The following RNF212 variants were observed in gnomAD, a reference collection of about 807,000 sequenced individuals.
RNF212 encodes ring finger protein 212, also known as probable E3 SUMO-protein ligase RNF212.
A neutral mutation model predicts 34.7 loss-of-function variants in RNF212; 33 were observed. The ratio of observed to expected loss-of-function variants is 0.95; its 90% CI spans 0.72 to 1.27. RNF212 has a LOEUF of 1.27. Ranked by LOEUF, RNF212 falls within the 50% of genes most tolerant of loss-of-function variation. The pLI, the probability that RNF212 is intolerant of heterozygous loss-of-function variation, is 0.00. For missense variants in RNF212, 377 were observed against 362.2 expected (o/e 1.04, Z -0.33); for synonymous variants, 140 against 136.1 (o/e 1.03, Z -0.20).
At chr4:1,112,783 T>C in intron 1 of RNF212, among the ~76,000 whole-genome samples, 1 of 91,324 alleles carries the variant, frequency 1.1e-5, no homozygotes. Context: ...TCCCCTGGCG[T>C]CTCCCCTCCC....
chr4:1,112,546 C>T (rs1218039984), intron 1 of RNF212, among the ~76,000 whole-genome samples: 1 of 151,980 alleles, frequency 6.6e-6, no homozygotes, highest in Non-Finnish European at 1.5e-5. Context: ...CAGGGCCCCG[C>T]GCTGCCCATG....
At chr4:1,071,044 T>A (rs191537290), downstream of RNF212, among the ~76,000 whole-genome samples, 193 of 152,096 alleles carry the variant, frequency 1.3e-3, 3 homozygotes, top group African/African-American at 3.9e-3. Context: ...CTAATTTTTT[T>A]AAATACTGTT....
intron 1 of RNF212, among the ~76,000 whole-genome samples, chr4:1,108,794 G>A (rs1725211181): frequency 6.6e-6 from 1 of 151,980 alleles, no homozygotes; most frequent in Non-Finnish European, 1.5e-5. Context: ...GACACCCCCG[G>A]GCTCAACAGT....
intron 4 of RNF212, chr4:1,058,291 G>T: frequency 1.2e-6 from 1 of 869,272 alleles, no homozygotes; most frequent in Non-Finnish European, 1.4e-6. Flanking sequence ...TTAGAACGCA[G>T]TGAAGAAGGT....
At chr4:1,102,838 C>A (rs528307703) in intron 2 of RNF212, among the ~76,000 whole-genome samples, 1 of 150,430 alleles carries the variant, frequency 6.6e-6, no homozygotes, top group African/African-American at 2.5e-5. Context: ...GGCAACAGAG[C>A]GAGACTCCGT....
Position 1,090,792 on chromosome 4 carries a change from T to C in RNF212, c.293A>G (p.Tyr98Cys), listed in dbSNP as rs767467222. The change falls in exon 4 of 10, where the codon TAT becomes TGT. Residue 98 changes from tyrosine (Y) to cysteine (C), a missense_variant. By Grantham distance (194) the Tyr-to-Cys change is radical (BLOSUM62 -2). Coordinates refer to ENST00000433731, the MANE Select transcript of RNF212 (RefSeq NM_001131034.4). ...EKHRKRLLAFYREKISRLEES... is the reference protein window; with the variant it reads ...EKHRKRLLAFCREKISRLEES... ...ATCAATTCCACTTACCTTTTCTCTA[T>C]AGAAGGCTAACAATCTCTTCCTGTG... The C allele has an allele frequency of 3.6e-5, 57 of 1,576,638 alleles. No individual in the cohort carries two copies. The highest frequency in any genetic ancestry group is 1.9e-4 in the African/African-American group (14 of 74,204).
chr4:1,090,709 GTTAA>G (rs1271244023), intron 4 of RNF212, 69 bp downstream of exon 4: 4 of 831,306 alleles, frequency 4.8e-6, no homozygotes, highest in East Asian at 2.4e-5. Context: ...AGAGCAAGGT[GTTAA>G]TTAACAAGTC....
At chr4:1,100,167 C>T (rs1723740338) in intron 2 of RNF212, 1 of 325,476 alleles carries the variant, frequency 3.1e-6, no homozygotes, top group Admixed American at 4.4e-5. Flanking sequence ...GGACTTTGCA[C>T]GGTTTCAGAA....
chr4:1,088,863 G>T (rs1223607062), intron 4 of RNF212, among the ~76,000 whole-genome samples: 1 of 152,196 alleles, frequency 6.6e-6, no homozygotes, highest in Non-Finnish European at 1.5e-5. Flanking sequence ...CATGGTATTG[G>T]GCCTGCATGT....
chr4:1,112,192 G>A (rs562131642), intron 1 of RNF212, among the ~76,000 whole-genome samples: 6 of 152,312 alleles, frequency 3.9e-5, no homozygotes, highest in African/African-American at 1.4e-4. Context: ...GGGCGACAAA[G>A]CTGAGCTCTG....
rs1479456124 is a variant in RNF212 at position 1,108,390 on chromosome 4, A to G, written c.124T>C (p.Cys42Arg). The G allele has an allele frequency of 4.0e-6, 6 of 1,499,530 alleles. No individual in the cohort carries two copies. Among genetic ancestry groups the G allele is most frequent in the Non-Finnish European group, 5.3e-6 (6 of 1,132,014 alleles). The allele number at this position is 1,499,530 out of a possible 1,614,324, so 92.9% of individuals were successfully genotyped here. A position where few individuals can be genotyped will look rare whatever the true frequency, so the allele number is the denominator to read the frequency against. ...ACLGKGKKNE[C>R]LICKAPCRTV... ...CGACAAGGAGCTTTACAAATCAAGC[A>G]TTCATTCTTTTTACCTATAAAATAA... The change falls in exon 2 of 10, where the codon TGC (cysteine) becomes CGC (arginine). Residue 42 changes from cysteine (C) to arginine (R), a missense_variant. Transcript: ENST00000433731.
At chr4:1,078,460 T>C (rs1378709456) in intron 8 of RNF212, among the ~76,000 whole-genome samples, 2 of 152,226 alleles carry the variant, frequency 1.3e-5, no homozygotes, top group African/African-American at 2.4e-5. Flanking sequence ...GAGCCGGGCC[T>C]GGACTCTCCC....
intron 3 of RNF212, chr4:1,093,644 C>T (rs918361424): frequency 1.4e-5 from 22 of 1,535,780 alleles, no homozygotes; most frequent in Non-Finnish European, 1.8e-5. Flanking sequence ...TGAGACAGCA[C>T]CTGGCCTCTG....
At chr4:1,085,289 A>G (rs1015119873) in intron 5 of RNF212, among the ~76,000 whole-genome samples, 1 of 152,266 alleles carries the variant, frequency 6.6e-6, no homozygotes, top group Non-Finnish European at 1.5e-5. Flanking sequence ...CTGTATTCAG[A>G]ACAGATGCAA....
At chr4:1,076,633 T>C (rs1183191961) in intron 8 of RNF212, among the ~76,000 whole-genome samples, 1 of 152,148 alleles carries the variant, frequency 6.6e-6, no homozygotes, top group Admixed American at 6.5e-5. Flanking sequence ...TAGGCCATCA[T>C]GTGGGGCAGG....
At position 1,093,593 on chromosome 4, in the gene RNF212, G is replaced by A. The variant is rs954289553; in HGVS notation, c.247-2755C>T. 3.9e-6 allele frequency: 6 copies of A among 1,534,178 alleles called. No homozygotes were observed. The Admixed American group carries it at 5.9e-5, about 15-fold the overall frequency. On this transcript the variant is annotated intron_variant, in intron 3 of 9. Coordinates refer to ENST00000433731, the MANE Select transcript of RNF212 (RefSeq NM_001131034.4). ...GAGGCACGAGAGGCAGAGCAGACAGGTGGCTGGAGGGGCTGGCCGGGTCTG... is the reference window on the plus strand; with the variant it reads ...GAGGCACGAGAGGCAGAGCAGACAGATGGCTGGAGGGGCTGGCCGGGTCTG...
chr4:1,073,561 G>C, intron 9 of RNF212, 38 bp downstream of exon 9: 10 of 1,364,476 alleles, frequency 7.3e-6, no homozygotes, highest in Non-Finnish European at 1.0e-5. Flanking sequence ...TTTAATCGAT[G>C]CATGTATCGG....
At chr4:1,062,056 C>T (rs1055315846) in intron 3 of RNF212, among the ~76,000 whole-genome samples, 3 of 152,150 alleles carry the variant, frequency 2.0e-5, no homozygotes, top group African/African-American at 7.2e-5. Flanking sequence ...ACTCCAGGCA[C>T]AGGGCTTTCA....
chr4:1,099,808 C>T (rs1028178732), intron 2 of RNF212: 3 of 456,112 alleles, frequency 6.6e-6, no homozygotes, highest in African/African-American at 6.0e-5. Flanking sequence ...GCAATCGAGT[C>T]CACAAGGTCC....
Sources: gnomAD v4.1 joint callset for allele counts (sites outside exome capture counted in the v4.1 genomes callset) on GRCh38, gnomAD v4.1.1 for gene constraint, MANE v1.5 for transcripts, NCBI Gene and HGNC (gene_info 2026-07-23, HGNC 2026-07-21) for gene names.